Variants in TMEM139 observed in about 807,000 individuals in gnomAD.
The protein encoded by TMEM139 is transmembrane protein 139.
A neutral mutation model predicts 15.9 loss-of-function variants in TMEM139; 9 were observed. That is an observed-to-expected ratio of 0.57 (90% CI 0.34 to 0.99). TMEM139 has a LOEUF of 0.99. Ranked by LOEUF, TMEM139 falls within the 50% of genes least tolerant of loss-of-function variation. The pLI is 0.02. For missense variants in TMEM139, 270 were observed against 267.7 expected (o/e 1.01, Z -0.06); for synonymous variants, 95 against 110.5 (o/e 0.86, Z 0.88).
intron 2 of TMEM139, 46 bp from the exon 3 acceptor site, chr7:143,286,378 G>T: frequency 6.6e-7 from 1 of 1,522,460 alleles, no homozygotes; most frequent in Non-Finnish European, 8.8e-7. Flanking sequence ...GGGAAAAAGG[G>T]CTTCTTTCAT....
chr7:143,285,855 G>C (rs767327614), intron 1 of TMEM139, 86 bp from the exon 2 acceptor site: 10 of 1,539,802 alleles, frequency 6.5e-6, no homozygotes, highest in Admixed American at 1.9e-5. Flanking sequence ...ACCAAACAAA[G>C]AAATATCATA....
chr7:143,286,358 AC>A (rs1801306318), intron 2 of TMEM139, 65 bp from the exon 3 acceptor site: 1 of 1,524,030 alleles, frequency 6.6e-7, no homozygotes, highest in Non-Finnish European at 8.8e-7. Context: ...CCCACAGCAG[AC>A]AAAAAAAAGG....
Position 143,286,283 on chromosome 7 carries a change from G to A in TMEM139, c.245+81G>A, listed in dbSNP as rs1801301132. Reference sequence around the variant, plus strand: ...CTCCCTGTAGTCTCTGAGGCAGAGAGTCTCTGGTTTCCTGTCATTGGCATC... The same window carrying A: ...CTCCCTGTAGTCTCTGAGGCAGAGAATCTCTGGTTTCCTGTCATTGGCATC... On this transcript the variant is annotated intron_variant, in intron 2 of 2. Transcript: ENST00000359333. 3.2e-6 allele frequency: 5 copies of A among 1,583,488 alleles called. No individual in the cohort carries two copies. In the South Asian group the frequency reaches 4.6e-5, roughly 14 times the overall value.
Position 143,287,758 on chromosome 7 carries a change from A to G in TMEM139, c.*929A>G, listed in dbSNP as rs1272822426. ...TGTAGCCCCGGGGTCACTTGCGAAG[A>G]GTCTCTAACAGCTTCTGCCTCACTC... On this transcript the variant is annotated 3_prime_UTR_variant, in exon 3 of 3. Transcript: ENST00000359333. 3 of 152,228 alleles carry G rather than the reference A, an allele frequency of 2.0e-5. No homozygotes were observed. The highest frequency in any genetic ancestry group is 7.2e-5 in the African/African-American group (3 of 41,426). The allele number at this position is 152,228 out of a possible 1,614,324, so 9.4% of individuals were successfully genotyped here. A position where few individuals can be genotyped will look rare whatever the true frequency, so the allele number is the denominator to read the frequency against.
intron 2 of TMEM139, 72 bp from the exon 3 acceptor site, chr7:143,286,352 C>T: frequency 1.3e-6 from 2 of 1,524,450 alleles, no homozygotes; most frequent in Non-Finnish European, 1.8e-6. Context: ...CTTTTGCCCA[C>T]AGCAGACAAA....
rs954620689 is a variant in TMEM139, at chr7:143,286,068, C to T, written c.111C>T (p.Pro37=). The change falls in exon 2 of 3, where the codon CCC becomes CCT. Residue 37 remains proline (P), a synonymous_variant. Coordinates refer to ENST00000359333, the MANE Select transcript of TMEM139 (RefSeq NM_001282876.2). ...ALLGIKTDIT[P]VAYFFLTLGG... ...TGGGCATAAAGACGGACATCACCCCCGTTGCTTATTTCTTTCTCACATTGG... is the reference window on the plus strand; with the variant it reads ...TGGGCATAAAGACGGACATCACCCCTGTTGCTTATTTCTTTCTCACATTGG... 1.2e-5 allele frequency: 20 copies of T among 1,614,024 alleles called. No individual in the cohort carries two copies. Among genetic ancestry groups the T allele is most frequent in the African/African-American group, 2.7e-5 (2 of 74,894 alleles).
At position 143,287,685 on chromosome 7, in the gene TMEM139, A is replaced by G. The variant is rs1400929265; in HGVS notation, c.*856A>G. 2.0e-5 allele frequency: 3 copies of G among 152,270 alleles called. No homozygotes were observed. The highest frequency in any genetic ancestry group is 2.9e-5 in the Non-Finnish European group (2 of 68,080). 9.4% of individuals were successfully genotyped at this position (152,270 alleles called of 1,614,324 possible). On this transcript the variant is annotated 3_prime_UTR_variant, in exon 3 of 3. Transcript: ENST00000359333. The stretch of plus-strand genomic sequence containing the variant: ...GTTGGTATGAAGGCCAGAAGGAGTG[A>G]AACATGTGAACTTTCTGGCGAGGAG...
Position 143,286,448 on chromosome 7 carries a change from A to C in TMEM139, c.270A>C (p.Pro90=). 4 of 1,532,508 alleles carry C rather than the reference A, an allele frequency of 2.6e-6. No homozygotes were observed. The highest frequency in any genetic ancestry group is 3.5e-6 in the Non-Finnish European group (4 of 1,143,654). 94.9% of individuals were successfully genotyped at this position (1,532,508 alleles called of 1,614,324 possible). A position where few individuals can be genotyped will look rare whatever the true frequency, so the allele number is the denominator to read the frequency against. ...GGGACAATGAAGCCTTTGAAGTGCC[A>C]GTCTATGAAGAGGCCGTGGTGGGAC... ...NARDNEAFEV[P]VYEEAVVGLE... The change falls in exon 3 of 3, where the codon CCA becomes CCC. Residue 90 remains proline (P), a synonymous_variant. Transcript: ENST00000359333.
rs779284901 is a variant in TMEM139 at position 143,285,967 on chromosome 7, A to G, written c.10A>G (p.Met4Val). ...AGCCTGGGGAGGGGCCATGGTGCCA[A>G]TGCACTTACTGGGGAGACTGGAGAA... MVP[M>V]HLLGRLEKPL... Residue 4 changes from methionine to valine, a missense_variant, in exon 2 of 3, where the codon ATG becomes GTG. By Grantham distance (21) the Met-to-Val change is conservative. Transcript: ENST00000359333. 14 of 1,614,028 alleles carry G rather than the reference A, an allele frequency of 8.7e-6. No homozygotes were observed. The African/African-American group carries it at 1.5e-4, about 17-fold the overall frequency.
At position 143,286,786 on chromosome 7, in the gene TMEM139, A is replaced by G; in HGVS notation, c.608A>G (p.Asp203Gly). ...TATGATGTCTGCTTTGGTCACCCTG[A>G]TGATGATAGTGTTTTTTATGAGGAC... is the stretch of plus-strand genomic sequence containing the variant. ...PAYDVCFGHP[D>G]DDSVFYEDNW... Residue 203 changes from aspartate (D) to glycine (G), a missense_variant, in exon 3 of 3, where the codon GAT becomes GGT. Asp to Gly is a moderately conservative substitution (Grantham distance 94). Coordinates refer to ENST00000359333, the MANE Select transcript of TMEM139 (RefSeq NM_001282876.2). 6.2e-7 allele frequency: 1 copy of G among 1,612,930 alleles called. No individual in the cohort carries two copies. The highest frequency in any genetic ancestry group is 8.5e-7 in the Non-Finnish European group (1 of 1,179,128).
chr7:143,286,015 G>C lies in TMEM139; in HGVS notation c.58G>C (p.Ala20Pro). The change falls in exon 2 of 3, where the codon GCC becomes CCC. Residue 20 changes from alanine (A) to proline (P), a missense_variant. Coordinates refer to ENST00000359333, the MANE Select transcript of TMEM139 (RefSeq NM_001282876.2). ...LEKPLLLLCCASFLLGLALLG... is the reference protein window; with the variant it reads ...LEKPLLLLCCPSFLLGLALLG... ...GAAGCCGCTTCTCCTCCTGTGCTGCGCCTCCTTCCTACTGGGGCTGGCTTT... is the reference window on the plus strand; with the variant it reads ...GAAGCCGCTTCTCCTCCTGTGCTGCCCCTCCTTCCTACTGGGGCTGGCTTT... The C allele has an allele frequency of 1.2e-6, 2 of 1,614,130 alleles. No individual in the cohort carries two copies. The highest frequency in any genetic ancestry group is 1.7e-6 in the Non-Finnish European group (2 of 1,180,012).
rs200086499 is a variant in TMEM139 at position 143,286,414 on chromosome 7, C to T, written c.246-10C>T. 40 of 1,523,420 alleles carry T rather than the reference C, an allele frequency of 2.6e-5. No homozygotes were observed. The highest frequency in any genetic ancestry group is 3.3e-5 in the Non-Finnish European group (38 of 1,139,040). 94.4% of individuals were successfully genotyped at this position (1,523,420 alleles called of 1,614,324 possible). On this transcript the variant is annotated splice_polypyrimidine_tract_variant and intron_variant, in intron 2 of 2. Coordinates refer to ENST00000359333, the MANE Select transcript of TMEM139 (RefSeq NM_001282876.2). ...GGAAGCCACCAATGGCCTTATTTCTCTTCCCTCAGGGACAATGAAGCCTTT... is the reference window on the plus strand; with the variant it reads ...GGAAGCCACCAATGGCCTTATTTCTTTTCCCTCAGGGACAATGAAGCCTTT...
chr7:143,286,139 G>A lies in TMEM139; in HGVS notation c.182G>A (p.Trp61Ter). Reference protein sequence around the residue: ...FAYLLVRFLEWGLRSQLQSMQ... With the variant: ...FAYLLVRFLE Reference sequence around the variant, plus strand: ...TATCTCCTGGTCCGGTTTCTGGAATGGGGGCTTCGGTCCCAGCTCCAATCA... The same window carrying A: ...TATCTCCTGGTCCGGTTTCTGGAATAGGGGCTTCGGTCCCAGCTCCAATCA... Residue 61 changes from tryptophan to a stop codon, truncating the protein, a stop_gained, in exon 2 of 3, where the codon TGG becomes TAG. Transcript: ENST00000359333. LOFTEE classifies it high-confidence loss of function. 1 of 1,614,126 alleles carries A rather than the reference G, an allele frequency of 6.2e-7. No individual in the cohort carries two copies. The highest frequency in any genetic ancestry group is 8.5e-7 in the Non-Finnish European group (1 of 1,180,030).
intron 2 of TMEM139, 61 bp from the exon 3 acceptor site, chr7:143,286,363 A>C (rs543381833): frequency 3.3e-6 from 5 of 1,522,410 alleles, no homozygotes; most frequent in South Asian, 1.3e-5. Flanking sequence ...AGCAGACAAA[A>C]AAAAGGGAAA....
chr7:143,286,565 C>T lies in TMEM139; in HGVS notation c.387C>T (p.Ser129=). 2 of 1,613,832 alleles carry T rather than the reference C, an allele frequency of 1.2e-6. No homozygotes were observed. Among genetic ancestry groups the T allele is most frequent in the African/African-American group, 2.7e-5 (2 of 74,888 alleles). ...CAGCACCTGAGGAGGAACAACCTAG[C>T]CATCCAGAGGGGTCCAGGAGAGCCA... ...IPPAPEEEQP[S]HPEGSRRAKL... The change falls in exon 3 of 3, where the codon AGC becomes AGT. Residue 129 remains serine (S), a synonymous_variant. Coordinates refer to ENST00000359333, the MANE Select transcript of TMEM139 (RefSeq NM_001282876.2).
Position 143,287,998 on chromosome 7 carries a change from T to A in TMEM139, c.*1169T>A, listed in dbSNP as rs1433216444. On this transcript the variant is annotated 3_prime_UTR_variant, in exon 3 of 3. Coordinates refer to ENST00000359333, the MANE Select transcript of TMEM139 (RefSeq NM_001282876.2). ...GGGCCTTGTCGCGCTCTCAGTCTCCTTCGCAGCCTGGCCCCAACCGTTCAA... is the reference window on the plus strand; with the variant it reads ...GGGCCTTGTCGCGCTCTCAGTCTCCATCGCAGCCTGGCCCCAACCGTTCAA... 1 of 177,586 alleles carries A rather than the reference T, an allele frequency of 5.6e-6. No individual in the cohort carries two copies. Among genetic ancestry groups the A allele is most frequent in the Non-Finnish European group, 1.2e-5 (1 of 83,132 alleles). 11.0% of individuals were successfully genotyped at this position (177,586 alleles called of 1,614,324 possible).
chr7:143,286,534 T>C lies in TMEM139; in HGVS notation c.356T>C (p.Ile119Thr). 1 of 1,612,084 alleles carries C rather than the reference T, an allele frequency of 6.2e-7. No individual in the cohort carries two copies. Among genetic ancestry groups the C allele is most frequent in the Non-Finnish European group, 8.5e-7 (1 of 1,179,336 alleles). ...CCACCCCCCTACAGCACTGTTGTGA[T>C]ACCCCCAGCACCTGAGGAGGAACAA... is the stretch of plus-strand genomic sequence containing the variant. ...DQPPPYSTVV[I>T]PPAPEEEQPS... Residue 119 changes from isoleucine to threonine, a missense_variant, in exon 3 of 3, where the codon ATA (isoleucine) becomes ACA (threonine). Ile to Thr is a moderately conservative substitution (Grantham distance 89, BLOSUM62 -1). Transcript: ENST00000359333.
chr7:143,286,048 A>G lies in TMEM139; in HGVS notation c.91A>G (p.Ile31Val). Reference protein sequence around the residue: ...SFLLGLALLGIKTDITPVAYF... With the variant: ...SFLLGLALLGVKTDITPVAYF... ...CCTACTGGGGCTGGCTTTGCTGGGC[A>G]TAAAGACGGACATCACCCCCGTTGC... The change falls in exon 2 of 3, where the codon ATA becomes GTA. Residue 31 changes from isoleucine to valine, a missense_variant. Physicochemically the swap from Ile to Val is conservative, Grantham distance 29. Transcript: ENST00000359333. 6.2e-7 allele frequency: 1 copy of G among 1,614,174 alleles called. No homozygotes were observed. The highest frequency in any genetic ancestry group is 8.5e-7 in the Non-Finnish European group (1 of 1,180,040).
intron 2 of TMEM139, 57 bp from the exon 3 acceptor site, chr7:143,286,367 A>AG: frequency 6.6e-7 from 1 of 1,521,966 alleles, no homozygotes; most frequent in East Asian, 2.3e-5. Flanking sequence ...GACAAAAAAA[A>AG]GGGAAAAAGG....
Sources: gnomAD v4.1 joint callset for allele counts on GRCh38, gnomAD v4.1.1 for gene constraint, MANE v1.5 for transcripts, NCBI Gene and HGNC (gene_info 2026-07-23, HGNC 2026-07-21) for gene names.